SLC44A5: variants seen among roughly 807,000 people sequenced by gnomAD.
The protein encoded by SLC44A5 is solute carrier family 44 member 5.
A neutral mutation model predicts 101.8 loss-of-function variants in SLC44A5; 57 were observed. The observed-to-expected ratio is 0.56, with a 90% CI of 0.45 to 0.70. The LOEUF is 0.70. Ranked by LOEUF, SLC44A5 falls within the 30% of genes least tolerant of loss-of-function variation. The pLI, the probability that SLC44A5 is intolerant of heterozygous loss-of-function variation, is 0.00. For synonymous variants in SLC44A5, 281 were observed against 290.9 expected, an observed-to-expected ratio of 0.97 and a Z score of 0.35; for missense variants, 737 against 853.1, an observed-to-expected ratio of 0.86 and a Z score of 1.70.
At chr1:75,534,963 C>T (rs984964316) in intron 2 of SLC44A5, among the ~76,000 whole-genome samples, 2 of 152,092 alleles carry the variant, frequency 1.3e-5, no homozygotes, top group Admixed American at 6.5e-5. Context: ...TTAAAATCAC[C>T]TCTATAATGC....
intron 6 of SLC44A5, among the ~76,000 whole-genome samples, chr1:75,254,976 G>C (rs1424045092): frequency 6.6e-6 from 1 of 152,174 alleles, no homozygotes; most frequent in African/African-American, 2.4e-5. Flanking sequence ...TGAATGCCAT[G>C]CTGGGCCACG....
intron 1 of SLC44A5, among the ~76,000 whole-genome samples, chr1:75,551,700 A>C (rs211783): frequency 0.95 from 144,575 of 152,058 alleles, 68,769 homozygotes; most frequent in East Asian, 0.98. Flanking sequence ...TGAAAAGCCA[A>C]CAAGAAATGA....
chr1:75,701,123 C>T, the SLC44A5 span, among the ~76,000 whole-genome samples: 10 of 152,160 alleles, frequency 6.6e-5, no homozygotes, highest in East Asian at 9.7e-4. Flanking sequence ...TTCCAATCAA[C>T]AGAAAAAGAG....
chr1:75,623,019 C>T, the SLC44A5 span, among the ~76,000 whole-genome samples: 12 of 133,392 alleles, frequency 9.0e-5, no homozygotes, highest in African/African-American at 3.1e-4. Context: ...TCTCTTAATG[C>T]AGTAACTATC....
chr1:75,594,247 A>G (rs911477806), intron 1 of SLC44A5, among the ~76,000 whole-genome samples: 1 of 152,010 alleles, frequency 6.6e-6, no homozygotes, highest in African/African-American at 2.4e-5. Flanking sequence ...CCAATATTAA[A>G]CAAGGTAAGA....
rs188108073 is a variant in SLC44A5, at chr1:75,292,892, T to C, written c.175+7720A>G. On this transcript the variant is annotated intron_variant, in intron 5 of 23. Transcript: ENST00000370859. ...TTAAATAAAATACAGTATAGTGTAG[T>C]GTTCAAGAGCACAGGCTCTAGAATT... 5.9e-3 allele frequency among the ~76,000 whole-genome samples: 906 copies of C among 152,334 alleles called. 4 individuals carry two copies. The highest frequency in any genetic ancestry group is 7.9e-3 in the Non-Finnish European group (538 of 68,026).
intron 3 of SLC44A5, among the ~76,000 whole-genome samples, chr1:75,376,735 CAG>C (rs1031791839): frequency 2.6e-5 from 4 of 152,146 alleles, no homozygotes; most frequent in African/African-American, 9.7e-5. Context: ...GGGGAAAAAA[CAG>C]AGCAGAAAAA....
chr1:75,707,311 T>C, the SLC44A5 span, among the ~76,000 whole-genome samples: 2 of 152,188 alleles, frequency 1.3e-5, no homozygotes, highest in African/African-American at 4.8e-5. Flanking sequence ...GAGCTGCTTG[T>C]TTTTATTCAG....
chr1:75,536,710 C>G (rs1473249438), intron 2 of SLC44A5, among the ~76,000 whole-genome samples: 2 of 147,532 alleles, frequency 1.4e-5, no homozygotes, highest in East Asian at 2.0e-4. Flanking sequence ...TTTTTACTAG[C>G]AAAGAAAATA....
intron 2 of SLC44A5, among the ~76,000 whole-genome samples, chr1:75,421,117 C>G (rs959180815): frequency 5.3e-5 from 8 of 151,932 alleles, no homozygotes; most frequent in African/African-American, 1.9e-4. Context: ...TCAAATTTTG[C>G]CCTTTCAAAG....
chr1:75,679,436 G>A, the SLC44A5 span, among the ~76,000 whole-genome samples: 1 of 152,188 alleles, frequency 6.6e-6, no homozygotes, highest in Admixed American at 6.5e-5. Flanking sequence ...CTACAAGCCA[G>A]AAGAGAGTGG....
the SLC44A5 span, chr1:75,723,931 G>C: frequency 6.6e-6 from 1 of 152,136 alleles, no homozygotes; most frequent in African/African-American, 2.4e-5. Flanking sequence ...ATAAGATTTA[G>C]TATAAGCTAC....
chr1:75,286,455 T>A (rs1653056165), intron 5 of SLC44A5, among the ~76,000 whole-genome samples: 1 of 152,190 alleles, frequency 6.6e-6, no homozygotes, highest in Non-Finnish European at 1.5e-5. Context: ...GTGGAGCATT[T>A]ACATCATTTA....
the SLC44A5 span, among the ~76,000 whole-genome samples, chr1:75,619,237 GAGGGAGGA>G: frequency 1.3e-5 from 2 of 151,358 alleles, no homozygotes; most frequent in East Asian, 1.9e-4. Flanking sequence ...AGGAGGGAGG[GAGGGAGGA>G]AGGGAGGAAG....
intron 4 of SLC44A5, among the ~76,000 whole-genome samples, chr1:75,304,293 GGTGTGTGTGTGT>G (rs71081327): frequency 3.1e-5 from 2 of 65,420 alleles, no homozygotes; most frequent in African/African-American, 1.2e-4. Flanking sequence ...TTTTTAAATA[GGTGTGTGTGTGT>G]GTGTGTGTGT....
the SLC44A5 span, among the ~76,000 whole-genome samples, chr1:75,698,236 C>A: frequency 6.6e-6 from 1 of 152,240 alleles, no homozygotes; most frequent in Non-Finnish European, 1.5e-5. Context: ...GTAACCTCTG[C>A]AGACTTAAAT....
chr1:75,559,416 G>C (rs1420929524), intron 1 of SLC44A5, among the ~76,000 whole-genome samples: 1 of 152,112 alleles, frequency 6.6e-6, no homozygotes, highest in Non-Finnish European at 1.5e-5. Flanking sequence ...ACATAAAAAG[G>C]AAAGCTCTGG....
intron 1 of SLC44A5, among the ~76,000 whole-genome samples, chr1:75,569,271 CTG>C (rs1320617003): frequency 2.3e-5 from 3 of 128,934 alleles, no homozygotes; most frequent in African/African-American, 8.8e-5. Context: ...GACAGGGTCT[CTG>C]TTTGTTGCCC....
At chr1:75,561,096 T>A (rs1416070115) in intron 1 of SLC44A5, among the ~76,000 whole-genome samples, 1 of 152,166 alleles carries the variant, frequency 6.6e-6, no homozygotes, top group Non-Finnish European at 1.5e-5. Flanking sequence ...GGAAACAAGA[T>A]GTCAGTCTCT....
Sources: allele counts gnomAD v4.1 joint callset (sites outside exome capture counted in the v4.1 genomes callset), GRCh38; gene constraint gnomAD v4.1.1; transcripts MANE v1.5; gene names NCBI Gene and HGNC (gene_info 2026-07-23, HGNC 2026-07-21).